The following CRIM1 variants were observed in gnomAD, a reference collection of about 807,000 sequenced individuals.
CRIM1 encodes the protein cysteine rich transmembrane BMP regulator 1.
Under a neutral mutation model 116.4 loss-of-function variants are expected in CRIM1, and 32 were observed. The observed-to-expected ratio is 0.27, with a 90% CI of 0.21 to 0.37. The LOEUF (loss-of-function observed/expected upper bound fraction) is 0.37. CRIM1 is among the 10% of genes least tolerant of loss of function. The pLI, the probability that CRIM1 is intolerant of heterozygous loss-of-function variation, is 1.00. For synonymous variants in CRIM1, 590 were observed against 509.2 expected (o/e 1.16, Z -2.13); for missense variants, 1,331 against 1,354.8 (o/e 0.98, Z 0.28).
intron 2 of CRIM1, among the ~76,000 whole-genome samples, chr2:36,415,525 C>T (rs906252947): frequency 2.6e-5 from 4 of 152,180 alleles, no homozygotes; most frequent in Non-Finnish European, 5.9e-5. Flanking sequence ...GTCAACACAA[C>T]CCATATCCCA....
intron 1 of CRIM1, among the ~76,000 whole-genome samples, chr2:36,377,090 G>T (rs6717270): frequency 0.012 from 1,778 of 152,272 alleles, 31 homozygotes; most frequent in African/African-American, 0.041. Flanking sequence ...TCCAACAGCT[G>T]CCCTTGGTCA....
chr2:36,381,605 T>A (rs1162699906), intron 1 of CRIM1, among the ~76,000 whole-genome samples: 2 of 152,120 alleles, frequency 1.3e-5, no homozygotes, highest in African/African-American at 4.8e-5. Flanking sequence ...CCAAGTATAT[T>A]AGAAAGCGGA....
intron 13 of CRIM1, among the ~76,000 whole-genome samples, chr2:36,532,448 C>T (rs17019010): frequency 6.6e-6 from 1 of 152,178 alleles, no homozygotes; most frequent in Non-Finnish European, 1.5e-5. Flanking sequence ...GACCAGGAAT[C>T]CTAAATTACC....
intron 2 of CRIM1, among the ~76,000 whole-genome samples, chr2:36,415,483 T>G (rs1485859634): frequency 6.6e-6 from 1 of 152,232 alleles, no homozygotes; most frequent in Non-Finnish European, 1.5e-5. Flanking sequence ...TCTCTGACCT[T>G]TGGAGAAGGC....
intron 2 of CRIM1, among the ~76,000 whole-genome samples, chr2:36,418,034 G>C (rs569216286): frequency 6.6e-6 from 1 of 152,188 alleles, no homozygotes; most frequent in South Asian, 2.1e-4. Context: ...GCAGCACTGG[G>C]TGGCAGGCAC....
At chr2:36,397,933 A>G (rs1672143151) in intron 2 of CRIM1, among the ~76,000 whole-genome samples, 3 of 152,188 alleles carry the variant, frequency 2.0e-5, no homozygotes, top group Admixed American at 2.0e-4. Flanking sequence ...GATGAGTATC[A>G]GTGCTAGTAC....
chr2:36,475,389 A>G, intron 5 of CRIM1, among the ~76,000 whole-genome samples: 1 of 152,064 alleles, frequency 6.6e-6, no homozygotes, highest in Non-Finnish European at 1.5e-5. Context: ...CTGATTGTTC[A>G]TTGCTAGGGT....
At chr2:36,459,809 T>A (rs1395142065) in intron 4 of CRIM1, among the ~76,000 whole-genome samples, 1 of 151,556 alleles carries the variant, frequency 6.6e-6, no homozygotes, top group Non-Finnish European at 1.5e-5. Context: ...GAGTGTAGGG[T>A]GTGTGCAGGA....
intron 4 of CRIM1, among the ~76,000 whole-genome samples, chr2:36,451,696 G>A (rs753705583): frequency 2.0e-5 from 3 of 152,126 alleles, no homozygotes; most frequent in African/African-American, 4.8e-5. Context: ...ATAACTCTGC[G>A]GTTTGAAGCC....
Position 36,545,713 on chromosome 2 carries a change from A to G in CRIM1, c.2746+1215A>G, listed in dbSNP as rs148667227. On this transcript the variant is annotated intron_variant, in intron 15 of 16. Transcript: ENST00000280527. ...CTGGAAGACTGAATTTTGTAAACAG[A>G]CCTCACTTGCAGCTTCATTTTTCTT... Among the ~76,000 whole-genome samples, 7 of 152,208 alleles carry G rather than the reference A, an allele frequency of 4.6e-5. No individual in the cohort carries two copies. The East Asian group carries it at 7.7e-4, about 17-fold the overall frequency.
Position 36,356,445 on chromosome 2 carries a change from C to T in CRIM1, c.153C>T (p.Cys51=). Residue 51 remains cysteine, a synonymous_variant, in exon 1 of 17, where the codon TGC becomes TGT. Coordinates refer to ENST00000280527, the MANE Select transcript of CRIM1 (RefSeq NM_016441.3). This position sits in a 1 kb window ranked among gnomAD's most constrained non-coding sequence, Gnocchi z 4.3. ...CCAAGTGCGAGGAGCCCAGGAACTGCCCGGGGAGCATCGTGCAGGGCGTCT... is the reference window on the plus strand; with the variant it reads ...CCAAGTGCGAGGAGCCCAGGAACTGTCCGGGGAGCATCGTGCAGGGCGTCT... ...DESKCEEPRN[C]PGSIVQGVCG... is the part of the protein sequence containing the mutation. 1.2e-6 allele frequency: 2 copies of T among 1,612,060 alleles called. No homozygotes were observed. The highest frequency in any genetic ancestry group is 1.1e-5 in the South Asian group (1 of 91,020).
At chr2:36,459,016 T>A (rs572802331) in intron 4 of CRIM1, among the ~76,000 whole-genome samples, 1 of 152,344 alleles carries the variant, frequency 6.6e-6, no homozygotes, top group Non-Finnish European at 1.5e-5. Context: ...TCTTTGTAAG[T>A]GATCTAAAAC....
At chr2:36,388,087 A>T (rs1671305618) in intron 1 of CRIM1, among the ~76,000 whole-genome samples, 1 of 152,006 alleles carries the variant, frequency 6.6e-6, no homozygotes, top group Non-Finnish European at 1.5e-5. Context: ...TAAGTTCCCT[A>T]TAAACCCCTC....
intron 2 of CRIM1, among the ~76,000 whole-genome samples, chr2:36,412,309 C>T (rs7586795): frequency 0.014 from 2,040 of 143,074 alleles, 53 homozygotes; most frequent in African/African-American, 0.056. Context: ...CACGGAATAC[C>T]GAGGACAAAG....
chr2:36,526,893 GT>G (rs1178954514), intron 13 of CRIM1, among the ~76,000 whole-genome samples: 2 of 152,218 alleles, frequency 1.3e-5, no homozygotes, highest in Admixed American at 1.3e-4. Context: ...GCTCAGGTAT[GT>G]CCCCCAGTTA....
At chr2:36,533,107 CAA>C (rs1666224618) in intron 13 of CRIM1, among the ~76,000 whole-genome samples, 4 of 152,136 alleles carry the variant, frequency 2.6e-5, no homozygotes, top group Non-Finnish European at 5.9e-5. Flanking sequence ...TATGTAGTCT[CAA>C]TTAGATTATG....
chr2:36,428,782 C>T (rs1674649928), intron 2 of CRIM1, among the ~76,000 whole-genome samples: 1 of 152,184 alleles, frequency 6.6e-6, no homozygotes, highest in African/African-American at 2.4e-5. Context: ...CAAAATACTT[C>T]CATTATTCTT....
chr2:36,479,386 G>A (rs1679230396), intron 6 of CRIM1, 111 bp from the exon 7 acceptor site: 2 of 993,720 alleles, frequency 2.0e-6, no homozygotes, highest in Non-Finnish European at 3.0e-6. Flanking sequence ...TGATCACAGT[G>A]GGAATAGAAC....
At position 36,514,327 on chromosome 2, in the gene CRIM1, A is replaced by C. The variant is rs539794228; in HGVS notation, c.1990+562A>C. Among the ~76,000 whole-genome samples the C allele has an allele frequency of 4.6e-5, 7 of 152,346 alleles. 1 individual carries two copies. Among genetic ancestry groups the C allele is most frequent in the African/African-American group, 1.7e-4 (7 of 41,580 alleles). On this transcript the variant is annotated intron_variant, in intron 11 of 16. Transcript: ENST00000280527. ...ATGGTAATCAGGATAAGTTACTAGA[A>C]AACCAGAACAGATTTGTAATTCAAG... is the stretch of plus-strand genomic sequence containing the variant.
Sources: allele counts gnomAD v4.1 joint callset (sites outside exome capture counted in the v4.1 genomes callset), GRCh38; gene constraint gnomAD v4.1.1; non-coding constraint Gnocchi (gnomAD v3.1); transcripts MANE v1.5; gene names NCBI Gene and HGNC (gene_info 2026-07-23, HGNC 2026-07-21).